The following TNNT1 variants were observed in gnomAD, a reference collection of about 807,000 sequenced individuals.
TNNT1 encodes the protein troponin T, slow skeletal muscle.
TNNT1 carries 53 observed loss-of-function variants against 50.6 expected under a neutral mutation model. The observed-to-expected ratio is 1.05, with a 90% confidence interval of 0.84 to 1.32. TNNT1 has a LOEUF of 1.32. TNNT1 is among the 40% of genes most tolerant of loss of function. TNNT1 has a pLI of 0.00. For missense variants in TNNT1, 348 were observed against 381.7 expected (o/e 0.91, Z 0.74); for synonymous variants, 142 against 138.0 (o/e 1.03, Z -0.20).
At chr19:55,147,248 G>C in intron 1 of TNNT1, 80 bp from the exon 2 acceptor site, 1 of 1,399,832 alleles carries the variant, frequency 7.1e-7, no homozygotes, top group East Asian at 2.4e-5. Flanking sequence ...TGAGGGAGGA[G>C]GGGCTGGGGG....
Position 55,134,176 on chromosome 19 carries a change from G to C in TNNT1, c.640C>G (p.Gln214Glu). The part of the protein sequence containing the change: ...RARSAWLPPS[Q>E]PSCPAREKAQ... ...TTCTCCCTGGCAGGGCAGGAGGGCT[G>C]TGATGGAGGCAGCCAGGCAGACCGG... Residue 214 changes from glutamine to glutamate, a missense_variant, in exon 12 of 14, where the codon CAG becomes GAG. Around this residue, in one of 3 missense-constraint regions of TNNT1, gnomAD observed 253 missense variants for 291.8 expected, o/e 0.87. Coordinates refer to ENST00000588981, the MANE Select transcript of TNNT1 (RefSeq NM_003283.6). 1 of 1,590,066 alleles carries C rather than the reference G, an allele frequency of 6.3e-7. No homozygotes were observed. Among genetic ancestry groups the C allele is most frequent in the Non-Finnish European group, 8.6e-7 (1 of 1,168,554 alleles).
At chr19:55,146,944 C>T in intron 3 of TNNT1, 64 bp downstream of exon 3, 1 of 1,525,076 alleles carries the variant, frequency 6.6e-7, no homozygotes, top group South Asian at 1.3e-5. Flanking sequence ...ACACTCCTCG[C>T]CTCCCCTCCC....
intron 1 of TNNT1, among the ~76,000 whole-genome samples, chr19:55,147,735 T>A (rs2085604178): frequency 7.3e-6 from 1 of 137,228 alleles, no homozygotes. Flanking sequence ...CGCCTGGGTC[T>A]GAGGGAGGAG....
intron 9 of TNNT1, among the ~76,000 whole-genome samples, chr19:55,138,467 G>A (rs941029254): frequency 2.6e-5 from 4 of 152,098 alleles, no homozygotes; most frequent in Admixed American, 6.6e-5. Context: ...TAGTGGAGAC[G>A]CGGTTTCACC....
chr19:55,148,024 C>G (rs914113985), intron 1 of TNNT1: 6 of 152,676 alleles, frequency 3.9e-5, no homozygotes, highest in African/African-American at 1.5e-4. Flanking sequence ...CCTGGCACAG[C>G]CAGGAGGCTG....
Position 55,140,900 on chromosome 19 carries a change from GT to G in TNNT1, c.369del (p.Glu123AspfsTer11). The G allele has an allele frequency of 6.2e-7, 1 of 1,613,744 alleles. No individual in the cohort carries two copies. On this transcript the variant is annotated frameshift_variant, in exon 9 of 14. Transcript: ENST00000588981. LOFTEE classifies it high-confidence loss of function. Reference sequence around the variant, plus strand: ...GCACCCACCGCCAGCTTAGCCTGACGTTCGCGTTCCTTCTCAGTTCTGAAGC... The same window carrying G: ...GCACCCACCGCCAGCTTAGCCTGACGTCGCGTTCCTTCTCAGTTCTGAAGC... ...QQRFRTEKER[E>X]RQAKLAEEKM...
chr19:55,137,000 G>A (rs1037067707), intron 11 of TNNT1, 103 bp downstream of exon 11: 6 of 728,760 alleles, frequency 8.2e-6, no homozygotes, highest in Admixed American at 2.1e-5. Flanking sequence ...TAGCACTGGA[G>A]CTGAGACCCG....
chr19:55,134,348 T>C (rs933895425), intron 11 of TNNT1, 144 bp from the exon 12 acceptor site: 2 of 833,712 alleles, frequency 2.4e-6, no homozygotes, highest in African/African-American at 3.4e-5. Context: ...GTGCCCACTT[T>C]CTCCACATCC....
At chr19:55,133,697 A>G (rs1444322613) in intron 13 of TNNT1, 190 bp downstream of exon 13, 2 of 662,598 alleles carry the variant, frequency 3.0e-6, no homozygotes, top group Non-Finnish European at 5.2e-6. Flanking sequence ...AAAAAAAAAG[A>G]AAGAAAAAGA....
chr19:55,141,983 C>T (rs560888661), intron 6 of TNNT1, 63 bp from the exon 7 acceptor site: 7 of 1,541,756 alleles, frequency 4.5e-6, no homozygotes, highest in Non-Finnish European at 6.3e-6. Context: ...CTCCCACCTC[C>T]GGGATGTGCC....
At chr19:55,147,676 C>CCGCGGGCA (rs77547489) in intron 1 of TNNT1, among the ~76,000 whole-genome samples, 1 of 45,042 alleles carries the variant, frequency 2.2e-5, no homozygotes, top group Admixed American at 2.1e-4. Context: ...GGAGGAGGGG[C>CCGCGGGCA]TGGGGTCTGG....
rs878959851 is a variant in TNNT1, at chr19:55,133,813, G to A, written c.791+74C>T. ...CAGGCAGTGGGGGATGGAGCCCACA[G>A]AGGGAGGGAAAGAGGCCTGAGAGTC... On this transcript the variant is annotated intron_variant, in intron 13 of 13. Coordinates refer to ENST00000588981, the MANE Select transcript of TNNT1 (RefSeq NM_003283.6). 9 of 1,566,230 alleles carry A rather than the reference G, an allele frequency of 5.7e-6. No individual in the cohort carries two copies. In the South Asian group the frequency reaches 8.9e-5, roughly 15 times the overall value.
chr19:55,134,209 G>A lies in TNNT1; in HGVS notation c.612-5C>T. 6.4e-7 allele frequency: 1 copy of A among 1,563,112 alleles called. No homozygotes were observed. Among genetic ancestry groups the A allele is most frequent in the South Asian group, 1.2e-5 (1 of 85,206 alleles). ...GGCAGCCAGGCAGACCGGGCCCTAG[G>A]CCCAGGGACGGAGAGGAACTTGGGC... On this transcript the variant is annotated splice_region_variant and splice_polypyrimidine_tract_variant and intron_variant, in intron 11 of 13. Coordinates refer to ENST00000588981, the MANE Select transcript of TNNT1 (RefSeq NM_003283.6).
At chr19:55,145,455 T>C in intron 6 of TNNT1, 89 bp downstream of exon 6, 2 of 1,317,572 alleles carry the variant, frequency 1.5e-6, no homozygotes, top group Admixed American at 3.6e-5. Context: ...CCTCCCTCCA[T>C]CTCTGCCTTT....
Position 55,132,870 on chromosome 19 carries a change from A to G in TNNT1, c.*45T>C, listed in dbSNP as rs1429261585. ...GTTTATTTCAAGCTACCGATGGGACAAACACTCCCAGGCTTCCCAGGTGCC... is the reference window on the plus strand; with the variant it reads ...GTTTATTTCAAGCTACCGATGGGACGAACACTCCCAGGCTTCCCAGGTGCC... On this transcript the variant is annotated 3_prime_UTR_variant, in exon 14 of 14. Transcript: ENST00000588981. 1 of 1,574,730 alleles carries G rather than the reference A, an allele frequency of 6.4e-7. No homozygotes were observed.
At chr19:55,148,734 C>CA in intron 1 of TNNT1, among the ~76,000 whole-genome samples, 1 of 152,120 alleles carries the variant, frequency 6.6e-6, no homozygotes, top group South Asian at 2.1e-4. Flanking sequence ...CATAATGTCT[C>CA]AGATTCCGAG....
At chr19:55,133,624 G>A (rs1417837007) in intron 13 of TNNT1, 6 of 549,754 alleles carry the variant, frequency 1.1e-5, no homozygotes, top group Admixed American at 3.1e-5. Context: ...GTTGCAGTGA[G>A]CTGAGATCAC....
chr19:55,135,544 T>A (rs1035521642), intron 11 of TNNT1: 9 of 236,554 alleles, frequency 3.8e-5, no homozygotes, highest in South Asian at 7.7e-5. Flanking sequence ...TTTTTTTTTT[T>A]AAGACAGAGT....
intron 9 of TNNT1, among the ~76,000 whole-genome samples, 171 bp from the exon 10 acceptor site, chr19:55,138,245 TCC>T (rs1469775088): frequency 6.7e-6 from 1 of 150,104 alleles, no homozygotes; most frequent in Admixed American, 6.6e-5. Context: ...CTGCCACGTC[TCC>T]CCGTGTGACC....
Sources: allele counts gnomAD v4.1 joint callset (sites outside exome capture counted in the v4.1 genomes callset), GRCh38; gene constraint gnomAD v4.1.1; regional missense constraint gnomAD v4.1.1; transcripts MANE v1.5; gene names NCBI Gene and HGNC (gene_info 2026-07-23, HGNC 2026-07-21).